Variants in TMEM132D observed in about 807,000 individuals in gnomAD.
TMEM132D encodes mature OL transmembrane protein.
A neutral mutation model predicts 62.3 loss-of-function variants in TMEM132D; 21 were observed. The observed-to-expected ratio is 0.34, with a 90% CI of 0.24 to 0.49. The LOEUF (loss-of-function observed/expected upper bound fraction) is 0.49. Among genes scored for constraint, TMEM132D ranks in the 20% least tolerant of loss-of-function variants. The probability of loss-of-function intolerance (pLI) is 0.99; values close to 1 mark genes in which losing one functional copy is unlikely to be tolerated. For synonymous variants in TMEM132D, 621 were observed against 575.6 expected (o/e 1.08, Z -1.13); for missense variants, 1,346 against 1,402.8 (o/e 0.96, Z 0.65).
chr12:129,687,310 C>A (rs768623906), intron 2 of TMEM132D, among the ~76,000 whole-genome samples: 3 of 152,078 alleles, frequency 2.0e-5, no homozygotes, highest in Non-Finnish European at 4.4e-5. Flanking sequence ...TTTGGGGGAA[C>A]AAATTAATGT....
chr12:129,223,969 A>G (rs7310777), intron 4 of TMEM132D, among the ~76,000 whole-genome samples: 150,012 of 152,218 alleles, frequency 0.99, 73,940 homozygotes, highest in East Asian at 1. Flanking sequence ...TCCATGCCTT[A>G]TAAGTTGTGC....
chr12:129,485,735 G>A (rs1355218777), intron 3 of TMEM132D, among the ~76,000 whole-genome samples: 1 of 152,196 alleles, frequency 6.6e-6, no homozygotes, highest in African/African-American at 2.4e-5. Context: ...GAGGTCAGCC[G>A]AGGCTGGTTC....
chr12:129,182,514 G>A (rs575457576), intron 5 of TMEM132D, among the ~76,000 whole-genome samples: 38 of 152,346 alleles, frequency 2.5e-4, no homozygotes, highest in African/African-American at 8.7e-4. Context: ...AAGAGTGGAC[G>A]CTGCAGTGCC....
intron 5 of TMEM132D, among the ~76,000 whole-genome samples, chr12:129,088,278 G>A (rs1326470303): frequency 3.0e-5 from 1 of 32,992 alleles, no homozygotes; most frequent in African/African-American, 2.2e-4. Flanking sequence ...CCTGACCGGG[G>A]TGTCCTCTAT....
intron 4 of TMEM132D, among the ~76,000 whole-genome samples, chr12:129,282,503 G>C (rs893652861): frequency 1.3e-5 from 2 of 152,114 alleles, no homozygotes; most frequent in African/African-American, 4.8e-5. Flanking sequence ...GCTACGATCC[G>C]GGCTGACTAA....
chr12:129,156,193 A>T (rs1877240118), intron 5 of TMEM132D, among the ~76,000 whole-genome samples: 2 of 151,190 alleles, frequency 1.3e-5, no homozygotes, highest in Admixed American at 1.3e-4. Flanking sequence ...TAACCAACCC[A>T]CTCTCACGAT....
chr12:129,615,316 G>A (rs1361468570), intron 2 of TMEM132D, among the ~76,000 whole-genome samples: 1 of 152,102 alleles, frequency 6.6e-6, no homozygotes, highest in Non-Finnish European at 1.5e-5. Flanking sequence ...CTTCCGTCAA[G>A]CTCACTTCTC....
chr12:129,267,882 T>C (rs994084912), intron 4 of TMEM132D, among the ~76,000 whole-genome samples: 12 of 152,146 alleles, frequency 7.9e-5, no homozygotes, highest in Non-Finnish European at 1.3e-4. Context: ...TAATGCTGCA[T>C]ATCTACAACT....
intron 4 of TMEM132D, among the ~76,000 whole-genome samples, chr12:129,295,574 G>T (rs1881554935): frequency 6.6e-6 from 1 of 151,706 alleles, no homozygotes; most frequent in Non-Finnish European, 1.5e-5. Context: ...GAGTTTACAA[G>T]CACGCACCAC....
intron 1 of TMEM132D, among the ~76,000 whole-genome samples, chr12:129,717,117 A>T (rs2137240809): frequency 6.6e-6 from 1 of 152,338 alleles, no homozygotes; most frequent in African/African-American, 2.4e-5. Flanking sequence ...CAGCTCCACC[A>T]GCACAAAGCG....
intron 5 of TMEM132D, among the ~76,000 whole-genome samples, chr12:129,091,826 G>A (rs1874927352): frequency 3.3e-5 from 5 of 152,358 alleles, no homozygotes; most frequent in Middle Eastern, 6.8e-3. Context: ...TCTGAGATGT[G>A]TTCCTCCAAC....
At chr12:129,627,881 C>T (rs1485690897) in intron 2 of TMEM132D, among the ~76,000 whole-genome samples, 1 of 151,980 alleles carries the variant, frequency 6.6e-6, no homozygotes, top group Non-Finnish European at 1.5e-5. Flanking sequence ...CAGCTACTTT[C>T]AGGGCTGAAG....
chr12:129,102,216 T>G (rs560311667), intron 5 of TMEM132D, among the ~76,000 whole-genome samples: 5 of 152,208 alleles, frequency 3.3e-5, no homozygotes, highest in Non-Finnish European at 7.3e-5. Context: ...GCCAGTGAAC[T>G]GGCAAATGAG....
chr12:129,391,290 T>A (rs542065311), intron 3 of TMEM132D, among the ~76,000 whole-genome samples: 1 of 152,290 alleles, frequency 6.6e-6, no homozygotes, highest in African/African-American at 2.4e-5. Flanking sequence ...CTTGAGTGCA[T>A]TAACTGATTT....
intron 1 of TMEM132D, among the ~76,000 whole-genome samples, chr12:129,775,431 A>G (rs1870889566): frequency 6.6e-6 from 1 of 152,200 alleles, no homozygotes; most frequent in African/African-American, 2.4e-5. Flanking sequence ...AGCACTGTGC[A>G]GAGGCCCCTC....
At chr12:129,084,751 C>T (rs374290617) in intron 5 of TMEM132D, 49 bp from the exon 6 acceptor site, 109 of 1,582,004 alleles carry the variant, frequency 6.9e-5, no homozygotes, top group Non-Finnish European at 8.4e-5. Flanking sequence ...AGCTTTCATC[C>T]CGTTGCATGG....
At chr12:129,204,801 G>T (rs531119373) in intron 5 of TMEM132D, among the ~76,000 whole-genome samples, 5 of 152,172 alleles carry the variant, frequency 3.3e-5, no homozygotes, top group Non-Finnish European at 7.4e-5. Context: ...CCTACAAAGG[G>T]AACCCCACCA....
rs140811872 is a variant in TMEM132D at position 129,839,614 on chromosome 12, C to T, written c.79+63647G>A. 9.1e-3 allele frequency among the ~76,000 whole-genome samples: 1,381 copies of T among 152,200 alleles called. 13 individuals carry two copies. Among genetic ancestry groups the T allele is most frequent in the Non-Finnish European group, 0.015 (1,033 of 68,030 alleles). On this transcript the variant is annotated intron_variant, in intron 1 of 8. Transcript: ENST00000422113. Reference sequence around the variant, plus strand: ...AGGTAGTTTTGGCCCCAGGAATTCCCCTTCTGGGAATATGCCTTAAAAAAA... The same window carrying T: ...AGGTAGTTTTGGCCCCAGGAATTCCTCTTCTGGGAATATGCCTTAAAAAAA...
intron 1 of TMEM132D, among the ~76,000 whole-genome samples, chr12:129,706,868 C>A (rs1036244542): frequency 6.6e-6 from 1 of 151,564 alleles, no homozygotes; most frequent in Admixed American, 6.6e-5. Context: ...CAAAATAAAC[C>A]TTTCCATTAT....
Sources: gnomAD v4.1 joint callset for allele counts (sites outside exome capture counted in the v4.1 genomes callset) on GRCh38, gnomAD v4.1.1 for gene constraint, MANE v1.5 for transcripts, NCBI Gene and HGNC (gene_info 2026-07-23, HGNC 2026-07-21) for gene names.